SAMMSON: variants seen among roughly 807,000 people sequenced by gnomAD.
The protein encoded by SAMMSON is survival associated mitochondrial melanoma specific oncogenic non-coding RNA.
chr3:70,333,526 G>A (rs550626579), intron 7 of SAMMSON, among the ~76,000 whole-genome samples: 3 of 152,150 alleles, frequency 2.0e-5, no homozygotes, highest in Non-Finnish European at 4.4e-5. Flanking sequence ...ACACTCATAC[G>A]GATTCTGTGC....
intron 2 of SAMMSON, among the ~76,000 whole-genome samples, chr3:70,411,252 T>C (rs557218507): frequency 1.3e-4 from 20 of 152,274 alleles, no homozygotes; most frequent in Admixed American, 2.6e-4. Flanking sequence ...TATATTCTCT[T>C]TGTCAGATAC....
chr3:70,226,065 T>TA (rs1330350811), intron 4 of SAMMSON, among the ~76,000 whole-genome samples: 6 of 151,910 alleles, frequency 3.9e-5, no homozygotes, highest in South Asian at 2.1e-4. Context: ...AACATTCACT[T>TA]AAAAAAAATA....
intron 4 of SAMMSON, among the ~76,000 whole-genome samples, chr3:70,234,080 C>T (rs1701586786): frequency 6.6e-6 from 1 of 152,086 alleles, no homozygotes. Context: ...AATTCTGATA[C>T]ACACATTAAG....
intron 4 of SAMMSON, among the ~76,000 whole-genome samples, chr3:70,219,731 A>G (rs569249983): frequency 6.6e-6 from 1 of 152,288 alleles, no homozygotes; most frequent in Non-Finnish European, 1.5e-5. Flanking sequence ...AGAAAATATC[A>G]TTAGTAACAC....
At chr3:69,999,612 T>C (rs903013983), upstream of SAMMSON, 2 of 152,208 alleles carry the variant, frequency 1.3e-5, no homozygotes, top group Non-Finnish European at 1.5e-5. Context: ...TCTACCCCCA[T>C]GGATCTAGGT....
intron 6 of SAMMSON, among the ~76,000 whole-genome samples, chr3:70,277,795 A>G (rs1702041659): frequency 6.6e-6 from 1 of 152,060 alleles, no homozygotes; most frequent in Admixed American, 6.6e-5. Context: ...GTGTGTGCCC[A>G]TTTTTTATAC....
rs181229591 is a variant in SAMMSON at position 70,038,569 on chromosome 3, A to G, written n.417+24897A>G. On this transcript the variant is annotated intron_variant and non_coding_transcript_variant, in intron 3 of 9. Coordinates refer to ENST00000642114, the Ensembl canonical transcript of SAMMSON. ...TAAGACTAGTATCTTAACATAATTTATACAGAAAGGCATTTTGCATCCTGG... is the reference window on the plus strand; with the variant it reads ...TAAGACTAGTATCTTAACATAATTTGTACAGAAAGGCATTTTGCATCCTGG... 3.9e-4 allele frequency among the ~76,000 whole-genome samples: 60 copies of G among 152,296 alleles called. 1 individual carries two copies. Among genetic ancestry groups the G allele is most frequent in the African/African-American group, 1.3e-3 (56 of 41,584 alleles).
chr3:70,261,012 G>A (rs183018006), intron 6 of SAMMSON, among the ~76,000 whole-genome samples: 45 of 152,154 alleles, frequency 3.0e-4, no homozygotes, highest in African/African-American at 8.9e-4. Context: ...GAAAAATTCC[G>A]CTTGACATGA....
intron 4 of SAMMSON, among the ~76,000 whole-genome samples, chr3:70,195,262 G>C (rs1198058432): frequency 6.6e-6 from 1 of 152,046 alleles, no homozygotes; most frequent in Non-Finnish European, 1.5e-5. Context: ...TGAGTATAGA[G>C]CTGTTTCTTC....
At chr3:70,234,507 G>A (rs1234465847) in intron 4 of SAMMSON, among the ~76,000 whole-genome samples, 1 of 152,030 alleles carries the variant, frequency 6.6e-6, no homozygotes, top group Non-Finnish European at 1.5e-5. Flanking sequence ...TAATCAGCCA[G>A]GCATGGTGGC....
intron 9 of SAMMSON, among the ~76,000 whole-genome samples, chr3:70,383,455 A>G (rs906081828): frequency 1.4e-4 from 21 of 152,034 alleles, no homozygotes; most frequent in African/African-American, 4.8e-4. Flanking sequence ...TAGTCATTTG[A>G]AGACTAAAAC....
intron 7 of SAMMSON, chr3:70,312,803 G>A (rs149901500): frequency 1.9e-4 from 29 of 151,942 alleles, no homozygotes; most frequent in African/African-American, 7.0e-4. Context: ...CCTTCTCCAG[G>A]CTAGCACTTA....
chr3:70,018,969 T>C (rs2066998848), intron 3 of SAMMSON, among the ~76,000 whole-genome samples: 1 of 152,246 alleles, frequency 6.6e-6, no homozygotes, highest in South Asian at 2.1e-4. Context: ...ACTTCTGTTC[T>C]TTTACATTTG....
chr3:70,161,274 T>C (rs1170215003), intron 4 of SAMMSON, among the ~76,000 whole-genome samples: 2 of 152,038 alleles, frequency 1.3e-5, no homozygotes, highest in East Asian at 3.9e-4. Context: ...CTTCCTTCAG[T>C]CTTTTATGAG....
At chr3:70,290,651 C>T (rs1174280619) in intron 6 of SAMMSON, among the ~76,000 whole-genome samples, 4 of 152,198 alleles carry the variant, frequency 2.6e-5, no homozygotes, top group Non-Finnish European at 5.9e-5. Context: ...GGGCGCCCCT[C>T]CCCTAGCCTC....
chr3:70,339,502 C>A (rs947269633), intron 7 of SAMMSON, among the ~76,000 whole-genome samples: 5 of 152,104 alleles, frequency 3.3e-5, no homozygotes, highest in African/African-American at 1.2e-4. Context: ...ACAATCTACC[C>A]ATCTGACAAA....
At chr3:70,134,335 G>T (rs2067497030) in intron 4 of SAMMSON, among the ~76,000 whole-genome samples, 1 of 150,054 alleles carries the variant, frequency 6.7e-6, no homozygotes, top group Non-Finnish European at 1.5e-5. Context: ...TACATAGAAA[G>T]TATTCAATAA....
intron 2 of SAMMSON, among the ~76,000 whole-genome samples, chr3:70,409,366 A>G (rs1181216493): frequency 6.6e-6 from 1 of 152,234 alleles, no homozygotes; most frequent in Non-Finnish European, 1.5e-5. Flanking sequence ...TTCATAAAAT[A>G]TGACTAAATA....
At chr3:70,030,683 A>C (rs1167948898) in intron 3 of SAMMSON, 2 of 152,168 alleles carry the variant, frequency 1.3e-5, no homozygotes, top group Non-Finnish European at 2.9e-5. Flanking sequence ...CCAAAACCCA[A>C]TGCAAAAACA....
Sources: allele counts gnomAD v4.1 joint callset (sites outside exome capture counted in the v4.1 genomes callset), GRCh38; gene constraint gnomAD v4.1.1; transcripts MANE v1.5; gene names NCBI Gene and HGNC (gene_info 2026-07-23, HGNC 2026-07-21).